KIRREL3: variants seen among roughly 807,000 people sequenced by gnomAD.
KIRREL3 encodes the protein kirre like nephrin family adhesion molecule 3.
In KIRREL3, 36 loss-of-function variants were observed where a neutral mutation model predicts 89.7. That is an observed-to-expected ratio of 0.40 (90% confidence interval 0.31 to 0.53). The LOEUF (loss-of-function observed/expected upper bound fraction) is 0.53. Ranked by LOEUF, KIRREL3 falls within the 20% of genes least tolerant of loss-of-function variation. The probability of loss-of-function intolerance (pLI) is 0.49; values close to 1 mark genes in which losing one functional copy is unlikely to be tolerated. For synonymous variants in KIRREL3, 445 were observed against 441.4 expected, an observed-to-expected ratio of 1.01 and a Z score of -0.10; for missense variants, 864 against 1,056.6, an observed-to-expected ratio of 0.82 and a Z score of 2.53.
At chr11:126,554,667 C>T (rs955175351) in intron 2 of KIRREL3, among the ~76,000 whole-genome samples, 3 of 152,176 alleles carry the variant, frequency 2.0e-5, no homozygotes, top group Non-Finnish European at 4.4e-5. Flanking sequence ...GGAGACCAAA[C>T]AGAGCCAACT....
At chr11:126,556,674 G>A (rs547775240) in intron 2 of KIRREL3, among the ~76,000 whole-genome samples, 35 of 152,212 alleles carry the variant, frequency 2.3e-4, no homozygotes, top group Non-Finnish European at 4.6e-4. Context: ...GCAGCTTAGG[G>A]GTCCACAGTC....
chr11:126,506,290 T>C (rs1958011306), intron 4 of KIRREL3, among the ~76,000 whole-genome samples: 1 of 152,156 alleles, frequency 6.6e-6, no homozygotes, highest in Non-Finnish European at 1.5e-5. Context: ...TTGTGCTTCA[T>C]AAGACACCAT....
Position 126,429,409 on chromosome 11 carries a change from A to G in KIRREL3, c.1697-121T>C. ...TCTGCATTTCCCCTCCAGCCCCTGA[A>G]CTCAGCAGCTTCACCAGCCCCCCAC... On this transcript the variant is annotated intron_variant, in intron 14 of 16. Transcript: ENST00000525144. The surrounding 1 kb of genome is among the most constrained non-coding windows in gnomAD (Gnocchi z 5.2). 1 of 689,030 alleles carries G rather than the reference A, an allele frequency of 1.5e-6. No homozygotes were observed. 42.7% of individuals were successfully genotyped at this position (689,030 alleles called of 1,614,324 possible).
At chr11:126,588,448 T>A (rs900415851) in intron 1 of KIRREL3, among the ~76,000 whole-genome samples, 17 of 152,284 alleles carry the variant, frequency 1.1e-4, no homozygotes, top group Admixed American at 9.8e-4. Context: ...GGAATAGGAA[T>A]TGGGGACTCC....
rs537897544 is a variant in KIRREL3, at chr11:126,817,493, C to T, written c.55+182962G>A. Among the ~76,000 whole-genome samples the T allele has an allele frequency of 6.6e-6, 1 of 152,280 alleles. No homozygotes were observed. Among genetic ancestry groups the T allele is most frequent in the African/African-American group, 2.4e-5 (1 of 41,558 alleles). ...TCCTCAGGCTTCTACCTTCCCATTTCTCCCACCAATCAGGCATTAGCATCC... is the reference window on the plus strand; with the variant it reads ...TCCTCAGGCTTCTACCTTCCCATTTTTCCCACCAATCAGGCATTAGCATCC... On this transcript the variant is annotated intron_variant, in intron 1 of 16. Transcript: ENST00000525144. The surrounding 1 kb of genome is among the most constrained non-coding windows in gnomAD (Gnocchi z 5.7).
Position 126,860,828 on chromosome 11 carries a change from G to C in KIRREL3, c.55+139627C>G, listed in dbSNP as rs957577318. On this transcript the variant is annotated intron_variant, in intron 1 of 16. Coordinates refer to ENST00000525144, the MANE Select transcript of KIRREL3 (RefSeq NM_032531.4). The surrounding 1 kb of genome is among the most constrained non-coding windows in gnomAD (Gnocchi z 4.6). ...GAGGTACAAATGCAAGATGGCACCCGTGGACACATTGAAAGTTTAGTGATC... is the reference window on the plus strand; with the variant it reads ...GAGGTACAAATGCAAGATGGCACCCCTGGACACATTGAAAGTTTAGTGATC... 6.6e-6 allele frequency among the ~76,000 whole-genome samples: 1 copy of C among 152,136 alleles called. No individual in the cohort carries two copies. Among genetic ancestry groups the C allele is most frequent in the Non-Finnish European group, 1.5e-5 (1 of 68,022 alleles).
intron 4 of KIRREL3, among the ~76,000 whole-genome samples, chr11:126,473,960 ATTT>A (rs60920110): frequency 1.4e-5 from 2 of 145,944 alleles, no homozygotes; most frequent in East Asian, 2.0e-4. Context: ...TGCCCGGCTA[ATTT>A]TTTTTTTTTT....
At chr11:126,819,584 C>T (rs1413949313) in intron 1 of KIRREL3, among the ~76,000 whole-genome samples, 1 of 152,168 alleles carries the variant, frequency 6.6e-6, no homozygotes, top group Non-Finnish European at 1.5e-5. Flanking sequence ...CCATCTGCTT[C>T]GCAGGTACGA....
chr11:126,801,152 G>C (rs1951020043), intron 1 of KIRREL3, among the ~76,000 whole-genome samples: 1 of 152,086 alleles, frequency 6.6e-6, no homozygotes, highest in South Asian at 2.1e-4. Flanking sequence ...CTGCATAATT[G>C]GGAATTAATG....
chr11:126,963,024 G>A (rs189101451), intron 1 of KIRREL3, among the ~76,000 whole-genome samples: 17 of 152,042 alleles, frequency 1.1e-4, no homozygotes, highest in Admixed American at 3.9e-4. Flanking sequence ...ACTTTTATAC[G>A]CACTGGGAAA....
chr11:126,942,810 A>G (rs1948497726), intron 1 of KIRREL3, among the ~76,000 whole-genome samples: 2 of 152,046 alleles, frequency 1.3e-5, no homozygotes, highest in Non-Finnish European at 2.9e-5. Flanking sequence ...GGGGGCAGCC[A>G]CCCCTTCCAG....
intron 10 of KIRREL3, among the ~76,000 whole-genome samples, chr11:126,444,710 A>G (rs1168085237): frequency 6.6e-6 from 1 of 152,198 alleles, no homozygotes; most frequent in Non-Finnish European, 1.5e-5. Context: ...CCAGGATAAA[A>G]TTCATCACCC....
rs1001876370 is a variant in KIRREL3, at chr11:126,553,435, T to C, written c.133+9400A>G. Among the ~76,000 whole-genome samples the C allele has an allele frequency of 6.6e-5, 10 of 152,224 alleles. No individual in the cohort carries two copies. Among genetic ancestry groups the C allele is most frequent in the African/African-American group, 2.4e-4 (10 of 41,454 alleles). ...ACTAGGGAATCTTCCACATAGCCAC[T>C]GGCAGTCTCTGTCTCTCTTGCTGGC... On this transcript the variant is annotated intron_variant, in intron 2 of 16. Transcript: ENST00000525144. This position sits in a 1 kb window ranked among gnomAD's most constrained non-coding sequence, Gnocchi z 4.7.
In KIRREL3 at chr11:126,709,686, G is replaced by A. The variant is rs1252477830; in HGVS notation, c.56-146774C>T. Among the ~76,000 whole-genome samples the A allele has an allele frequency of 6.6e-6, 1 of 152,176 alleles. No individual in the cohort carries two copies. The highest frequency in any genetic ancestry group is 2.4e-5 in the African/African-American group (1 of 41,438). On this transcript the variant is annotated intron_variant, in intron 1 of 16. Transcript: ENST00000525144. The surrounding 1 kb of genome is among the most constrained non-coding windows in gnomAD (Gnocchi z 4.0). ...GATGAGGGAAGGCAGACATCTATAAGCCAAGGGGAGGCCTCGGGAGAAACC... is the reference window on the plus strand; with the variant it reads ...GATGAGGGAAGGCAGACATCTATAAACCAAGGGGAGGCCTCGGGAGAAACC...
At chr11:126,584,229 C>T (rs191953137) in intron 1 of KIRREL3, among the ~76,000 whole-genome samples, 13 of 152,284 alleles carry the variant, frequency 8.5e-5, no homozygotes, top group Admixed American at 2.6e-4. Flanking sequence ...AGCCTGGGAG[C>T]ACAGTCTGCA....
chr11:126,802,937 T>C lies in KIRREL3; in HGVS notation c.55+197518A>G, dbSNP rs1951085627. ...GTTGTAGTTTCCAAGAACCTATCAA[T>C]GACATTAAGTGAGGACTTACTGTGT... On this transcript the variant is annotated intron_variant, in intron 1 of 16. Transcript: ENST00000525144. This position sits in a 1 kb window ranked among gnomAD's most constrained non-coding sequence, Gnocchi z 5.2. Among the ~76,000 whole-genome samples, 1 of 152,152 alleles carries C rather than the reference T, an allele frequency of 6.6e-6. No individual in the cohort carries two copies. The highest frequency in any genetic ancestry group is 6.6e-5 in the Admixed American group (1 of 15,262).
intron 1 of KIRREL3, among the ~76,000 whole-genome samples, chr11:126,841,502 C>T (rs918112683): frequency 3.9e-5 from 6 of 152,206 alleles, no homozygotes; most frequent in Non-Finnish European, 7.3e-5. Context: ...GAATAAATCC[C>T]TCTATGGCAC....
At chr11:126,548,725 T>C (rs1431111727) in intron 2 of KIRREL3, among the ~76,000 whole-genome samples, 1 of 152,230 alleles carries the variant, frequency 6.6e-6, no homozygotes, top group East Asian at 1.9e-4. Flanking sequence ...CCAGGTGTCA[T>C]TCATCTCTGC....
In KIRREL3 at chr11:126,662,906, CTTTTTTT is replaced by C. The variant is rs756193928; in HGVS notation, c.56-100001_56-99995del. Among the ~76,000 whole-genome samples, 2 of 91,876 alleles carry C rather than the reference CTTTTTTT, an allele frequency of 2.2e-5. 1 individual carries two copies. The highest frequency in any genetic ancestry group is 8.6e-4 in the South Asian group (2 of 2,320). 60.3% of individuals were successfully genotyped at this position (91,876 alleles called of 152,430 possible). On this transcript the variant is annotated intron_variant, in intron 1 of 16. Transcript: ENST00000525144. Reference sequence around the variant, plus strand: ...GATTTTACTTTTTCCAAAGTCCTTTCTTTTTTTTTTTTTTTTTTTTTGCTCCATCTCT... The same window carrying C: ...GATTTTACTTTTTCCAAAGTCCTTTCTTTTTTTTTTTTTTGCTCCATCTCT...
Sources: gnomAD v4.1 joint callset for allele counts (sites outside exome capture counted in the v4.1 genomes callset) on GRCh38, gnomAD v4.1.1 for gene constraint, Gnocchi (gnomAD v3.1) non-coding constraint, MANE v1.5 for transcripts, NCBI Gene and HGNC (gene_info 2026-07-23, HGNC 2026-07-21) for gene names.